Variants in TENM2 observed in about 807,000 individuals in gnomAD.
The protein encoded by TENM2 is teneurin-2.
A neutral mutation model predicts 245.2 loss-of-function variants in TENM2; 52 were observed. The ratio of observed to expected loss-of-function variants is 0.21; its 90% CI spans 0.17 to 0.27. TENM2 has a LOEUF of 0.27. Ranked by LOEUF, TENM2 falls within the 10% of genes least tolerant of loss-of-function variation. The pLI is 1.00. For synonymous variants in TENM2, 1,363 were observed against 1,438.9 expected (o/e 0.95, Z 1.19); for missense variants, 3,046 against 3,666.8 (o/e 0.83, Z 4.37).
chr5:168,099,791 T>C (rs1167801639), intron 9 of TENM2, among the ~76,000 whole-genome samples: 2 of 152,220 alleles, frequency 1.3e-5, no homozygotes, highest in African/African-American at 2.4e-5. Context: ...CTTTCTGTAC[T>C]TAAAGTTCTG....
intron 9 of TENM2, among the ~76,000 whole-genome samples, chr5:168,104,857 G>A (rs1794120024): frequency 1.3e-5 from 2 of 152,112 alleles, no homozygotes; most frequent in Admixed American, 1.3e-4. Context: ...TCAGTCGAGG[G>A]GACAGAACTT....
chr5:168,105,125 G>A (rs1029941630), intron 9 of TENM2, among the ~76,000 whole-genome samples: 12 of 152,192 alleles, frequency 7.9e-5, no homozygotes, highest in African/African-American at 2.9e-4. Context: ...TGTTATAAAT[G>A]GGGGAGTAAG....
intron 2 of TENM2, among the ~76,000 whole-genome samples, chr5:167,734,107 T>A (rs1314228834): frequency 6.6e-6 from 1 of 152,208 alleles, no homozygotes; most frequent in Non-Finnish European, 1.5e-5. Flanking sequence ...TTTTCTGTAA[T>A]TTAGGAAATA....
At chr5:167,952,916 G>T in intron 4 of TENM2, 94 bp downstream of exon 6, 2 of 1,027,850 alleles carry the variant, frequency 1.9e-6, no homozygotes, top group South Asian at 2.9e-5. Flanking sequence ...GTTCCAGTCG[G>T]AGAGACCCTC....
the TENM2 span, among the ~76,000 whole-genome samples, chr5:167,269,111 A>C: frequency 5.9e-5 from 9 of 152,242 alleles, no homozygotes; most frequent in Admixed American, 1.3e-4. Context: ...TTTTTTTGAC[A>C]AAGCAGGAAG....
At chr5:167,370,633 T>C (rs1186024302) in intron 1 of TENM2, among the ~76,000 whole-genome samples, 2 of 152,214 alleles carry the variant, frequency 1.3e-5, no homozygotes, top group Non-Finnish European at 2.9e-5. Context: ...CCACACTGGG[T>C]GAGTTATCGG....
At chr5:167,935,530 A>C (rs1041938968) in intron 3 of TENM2, among the ~76,000 whole-genome samples, 1 of 152,198 alleles carries the variant, frequency 6.6e-6, no homozygotes, top group African/African-American at 2.4e-5. Context: ...CAGACCTTGG[A>C]CTTGGAGCTC....
chr5:168,000,087 A>C lies in TENM2; in HGVS notation c.1186+6905A>C, dbSNP rs188620448. Reference sequence around the variant, plus strand: ...AGCAGTCATCCATCCAGAAGCAGTAATAGAATGCTAGAACATCAGTGTTGA... The same window carrying C: ...AGCAGTCATCCATCCAGAAGCAGTACTAGAATGCTAGAACATCAGTGTTGA... On this transcript the variant is annotated intron_variant, in intron 5 of 28. Coordinates refer to ENST00000518659, the Ensembl canonical transcript of TENM2. 2.6e-5 allele frequency among the ~76,000 whole-genome samples: 4 copies of C among 152,342 alleles called. 1 individual carries two copies. Among genetic ancestry groups the C allele is most frequent in the Admixed American group, 2.6e-4 (4 of 15,306 alleles).
chr5:167,080,084 A>G, the TENM2 span, among the ~76,000 whole-genome samples: 1 of 152,252 alleles, frequency 6.6e-6, no homozygotes, highest in Admixed American at 6.5e-5. Context: ...AATGTTGCGT[A>G]TCTTCCTGGT....
the TENM2 span, among the ~76,000 whole-genome samples, chr5:167,240,263 T>A: frequency 1.7e-3 from 256 of 152,208 alleles, 1 homozygote; most frequent in African/African-American, 5.8e-3. Context: ...GTGGCCTTTT[T>A]TTTTTTTGCT....
In TENM2 at chr5:168,228,985, TA is replaced by T. The variant is rs768812441; in HGVS notation, c.5520+857del. Among the ~76,000 whole-genome samples the T allele has an allele frequency of 3.4e-5, 5 of 147,894 alleles. No homozygotes were observed. In the East Asian group the frequency reaches 9.7e-4, roughly 29 times the overall value. ...TACATAATATACATATACGTATACATAATATACATATATAATACATTATATG... is the reference window on the plus strand; with the variant it reads ...TACATAATATACATATACGTATACATATATACATATATAATACATTATATG... On this transcript the variant is annotated intron_variant, in intron 25 of 28. Transcript: ENST00000518659.
rs543367532 is a variant in TENM2, at chr5:167,812,234, G to A, written c.503-63752G>A. Among the ~76,000 whole-genome samples, 88 of 152,290 alleles carry A rather than the reference G, an allele frequency of 5.8e-4. 4 individuals are homozygous for A. The South Asian group carries it at 0.018, about 30-fold the overall frequency. Reference sequence around the variant, plus strand: ...GATAGAGAAGGGGCTGAAGATGATGGAATGTAATGAAGGCTTTGTCTGGAG... The same window carrying A: ...GATAGAGAAGGGGCTGAAGATGATGAAATGTAATGAAGGCTTTGTCTGGAG... On this transcript the variant is annotated intron_variant, in intron 2 of 28. Transcript: ENST00000518659.
At chr5:168,214,341 C>G in intron 20 of TENM2, among the ~76,000 whole-genome samples, 1 of 152,238 alleles carries the variant, frequency 6.6e-6, no homozygotes, top group East Asian at 1.9e-4. Flanking sequence ...GCTGGGAGCC[C>G]TGGCAGACCG....
intron 2 of TENM2, among the ~76,000 whole-genome samples, chr5:167,813,243 C>G (rs2151001783): frequency 6.6e-6 from 1 of 152,136 alleles, no homozygotes; most frequent in South Asian, 2.1e-4. Flanking sequence ...TTGTATGAGT[C>G]TCCAAAATGT....
intron 12 of TENM2, among the ~76,000 whole-genome samples, chr5:168,157,646 G>A (rs1757301511): frequency 6.6e-6 from 1 of 151,918 alleles, no homozygotes; most frequent in South Asian, 2.1e-4. Context: ...GAGAGGAGGG[G>A]AACAATTAAG....
chr5:167,857,206 A>G (rs1168939848), intron 2 of TENM2, among the ~76,000 whole-genome samples: 1 of 152,252 alleles, frequency 6.6e-6, no homozygotes, highest in African/African-American at 2.4e-5. Flanking sequence ...GTATAGATAC[A>G]TGCAAGATTT....
At chr5:167,454,340 G>A (rs1765775496) in intron 2 of TENM2, among the ~76,000 whole-genome samples, 1 of 152,162 alleles carries the variant, frequency 6.6e-6, no homozygotes, top group South Asian at 2.1e-4. Flanking sequence ...AATGATCATA[G>A]GCATGAAAGG....
In TENM2 at chr5:167,993,179, A is replaced by G. The variant is rs367844672; in HGVS notation, c.1183A>G (p.Ile395Val). 9 of 1,613,496 alleles carry G rather than the reference A, an allele frequency of 5.6e-6. No individual in the cohort carries two copies. The highest frequency in any genetic ancestry group is 4.0e-5 in the African/African-American group (3 of 74,926). Residue 395 changes from isoleucine to valine, a missense_variant, in exon 5 of 29, where the codon ATA becomes GTA. By Grantham distance (29) the Ile-to-Val change is conservative. Around this residue, in one of 2 missense-constraint regions of TENM2, gnomAD observed 2,704 missense variants for 3,331.9 expected, o/e 0.81. Transcript: ENST00000518659. ...CTTGGCTATTTTGCTGGCGTATTTC[A>G]TAGGTAAGTCAGGGCAGCCTTATTC...
exon 1 of TENM2, chr5:167,284,928 G>T: frequency 1.3e-6 from 2 of 1,551,760 alleles, no homozygotes; most frequent in Non-Finnish European, 1.7e-6. Flanking sequence ...GGACAGTGAG[G>T]ACTGCCGCGT....
Sources: gnomAD v4.1 joint callset for allele counts (sites outside exome capture counted in the v4.1 genomes callset) on GRCh38, gnomAD v4.1.1 for gene constraint, gnomAD v4.1.1 regional missense constraint, MANE v1.5 for transcripts, NCBI Gene and HGNC (gene_info 2026-07-23, HGNC 2026-07-21) for gene names.